PDE4B: variants seen among roughly 807,000 people sequenced by gnomAD.
The protein encoded by PDE4B is phosphodiesterase 4B.
A neutral mutation model predicts 82.2 loss-of-function variants in PDE4B; 20 were observed. The ratio of observed to expected loss-of-function variants is 0.24; its 90% CI spans 0.17 to 0.35. The LOEUF (loss-of-function observed/expected upper bound fraction) is 0.35, where lower values mean the gene tolerates loss of function less well. Ranked by LOEUF, PDE4B falls within the 10% of genes least tolerant of loss-of-function variation. The pLI is 1.00. For missense variants in PDE4B, 655 were observed against 907.2 expected, an observed-to-expected ratio of 0.72 and a Z score of 3.57; for synonymous variants, 320 against 318.9, an observed-to-expected ratio of 1.00 and a Z score of -0.04.
rs748841506 is a variant in PDE4B at position 66,361,808 on chromosome 1, A to T, written c.1020+15A>T. 2 of 1,598,706 alleles carry T rather than the reference A, an allele frequency of 1.3e-6. No homozygotes were observed. The highest frequency in any genetic ancestry group is 3.4e-5 in the Admixed American group (2 of 58,248). On this transcript the variant is annotated intron_variant, in intron 10 of 16. Coordinates refer to ENST00000341517, the MANE Select transcript of PDE4B (RefSeq NM_002600.4). ...ACCTGGCCAAGGTGTGTATAAGCTC[A>T]GGTTTTGTGCATGTAGCTCTCTGCT...
At chr1:66,099,947 C>T (rs1645189256) in intron 3 of PDE4B, among the ~76,000 whole-genome samples, 1 of 152,138 alleles carries the variant, frequency 6.6e-6, no homozygotes. Flanking sequence ...CTTCCTTTAA[C>T]ATCACTTCAT....
intron 3 of PDE4B, among the ~76,000 whole-genome samples, chr1:66,087,810 T>C (rs10889597): frequency 0.47 from 67,451 of 143,100 alleles, 16,109 homozygotes; most frequent in Non-Finnish European, 0.53. Context: ...AAGGTGGGAA[T>C]TAAACAATGA....
chr1:65,921,830 T>C (rs1270338290), intron 3 of PDE4B, among the ~76,000 whole-genome samples: 1 of 152,228 alleles, frequency 6.6e-6, no homozygotes, highest in Non-Finnish European at 1.5e-5. Flanking sequence ...GATCATTGTT[T>C]TTACAGTTAT....
intron 3 of PDE4B, among the ~76,000 whole-genome samples, chr1:66,158,313 G>A (rs1012313939): frequency 6.6e-6 from 1 of 152,152 alleles, no homozygotes; most frequent in African/African-American, 2.4e-5. Context: ...CTGTGCACCT[G>A]ACAAGGGGTT....
intron 3 of PDE4B, among the ~76,000 whole-genome samples, chr1:65,965,733 A>T (rs1649783530): frequency 6.6e-6 from 1 of 152,080 alleles, no homozygotes; most frequent in Non-Finnish European, 1.5e-5. Flanking sequence ...TATTATTGGC[A>T]CTCAACAAAA....
chr1:66,086,156 C>G (rs775895065), intron 3 of PDE4B, among the ~76,000 whole-genome samples: 5 of 151,964 alleles, frequency 3.3e-5, no homozygotes, highest in Non-Finnish European at 7.4e-5. Flanking sequence ...GGAATTATCA[C>G]CAGGGTAATG....
At position 66,004,061 on chromosome 1, in the gene PDE4B, C is replaced by T. The variant is rs184144151; in HGVS notation, c.281+85226C>T. Among the ~76,000 whole-genome samples the T allele has an allele frequency of 5.3e-5, 8 of 152,206 alleles. No homozygotes were observed. The East Asian group carries it at 1.5e-3, about 29-fold the overall frequency. ...TTACCATACACTGTTTTTGGGCAAA[C>T]CATTCAACCTATCTTAGAAAAAGTA... On this transcript the variant is annotated intron_variant, in intron 3 of 16. Transcript: ENST00000341517.
chr1:66,264,425 C>A (rs577825944), intron 6 of PDE4B, among the ~76,000 whole-genome samples: 1 of 152,270 alleles, frequency 6.6e-6, no homozygotes, highest in East Asian at 1.9e-4. Flanking sequence ...AATCATGTGT[C>A]AGTATGTTTC....
chr1:66,321,926 T>G (rs1301201612), intron 7 of PDE4B, among the ~76,000 whole-genome samples: 2 of 152,120 alleles, frequency 1.3e-5, no homozygotes, highest in Non-Finnish European at 1.5e-5. Context: ...CAAACTATAC[T>G]ACAAGGCTAC....
intron 3 of PDE4B, among the ~76,000 whole-genome samples, chr1:66,189,509 T>C: frequency 6.6e-6 from 1 of 152,230 alleles, no homozygotes; most frequent in East Asian, 1.9e-4. Flanking sequence ...TAGTCCCATA[T>C]TTCTTGGAGG....
chr1:65,911,053 C>T (rs1647084916), intron 1 of PDE4B, among the ~76,000 whole-genome samples: 1 of 152,016 alleles, frequency 6.6e-6, no homozygotes. Flanking sequence ...TTTTCCGAGT[C>T]AGGACATGTG....
At chr1:65,890,134 AT>A (rs202106767) in intron 1 of PDE4B, among the ~76,000 whole-genome samples, 1,801 of 144,718 alleles carry the variant, frequency 0.012, 25 homozygotes, top group African/African-American at 0.027. Flanking sequence ...AGCTTGACAA[AT>A]TTTTTTTTTT....
At chr1:66,207,586 T>C (rs1000793226) in intron 3 of PDE4B, among the ~76,000 whole-genome samples, 1 of 152,134 alleles carries the variant, frequency 6.6e-6, no homozygotes, top group Admixed American at 6.5e-5. Flanking sequence ...CAAATTTGGG[T>C]TTCTTTCTAA....
intron 1 of PDE4B, among the ~76,000 whole-genome samples, chr1:65,867,409 T>G (rs1051141248): frequency 1.3e-5 from 2 of 152,250 alleles, no homozygotes; most frequent in African/African-American, 4.8e-5. Context: ...GTTATTTCTT[T>G]TAACTTTGGA....
At chr1:66,343,068 C>A (rs970567207) in intron 8 of PDE4B, among the ~76,000 whole-genome samples, 20 of 148,322 alleles carry the variant, frequency 1.3e-4, no homozygotes, top group African/African-American at 5.0e-4. Flanking sequence ...CAAAAAACAA[C>A]AACAAAAAAA....
intron 3 of PDE4B, among the ~76,000 whole-genome samples, chr1:65,985,855 C>T (rs1408373499): frequency 1.3e-5 from 2 of 152,244 alleles, no homozygotes; most frequent in African/African-American, 4.8e-5. Flanking sequence ...GAAAGCCTGG[C>T]AAGTTTCTCC....
At chr1:65,922,587 C>G (rs761434607) in intron 3 of PDE4B, among the ~76,000 whole-genome samples, 1 of 152,068 alleles carries the variant, frequency 6.6e-6, no homozygotes, top group Non-Finnish European at 1.5e-5. Flanking sequence ...GGCAGGATCC[C>G]CTCACCTCTT....
intron 3 of PDE4B, among the ~76,000 whole-genome samples, chr1:66,075,934 A>G (rs1243807503): frequency 1.5e-5 from 2 of 132,600 alleles, no homozygotes; most frequent in Admixed American, 1.5e-4. Context: ...CAAAAAAAAC[A>G]AAACACCATG....
chr1:65,861,557 A>G lies in PDE4B; in HGVS notation c.-70-51688A>G, dbSNP rs149801934. Among the ~76,000 whole-genome samples the G allele has an allele frequency of 3.4e-3, 521 of 152,288 alleles. 3 individuals are homozygous for G. The highest frequency in any genetic ancestry group is 0.012 in the African/African-American group (498 of 41,548). On this transcript the variant is annotated intron_variant, in intron 1 of 16. Transcript: ENST00000341517. ...TCTTTTTTGGTTCCATACAAAATTT[A>G]AAGTAGTTTTTTTCTAATTCTGCAA...
Sources: allele counts gnomAD v4.1 joint callset (sites outside exome capture counted in the v4.1 genomes callset), GRCh38; gene constraint gnomAD v4.1.1; transcripts MANE v1.5; gene names NCBI Gene and HGNC (gene_info 2026-07-23, HGNC 2026-07-21).